The following CLIP1 variants were observed in gnomAD, a reference collection of about 807,000 sequenced individuals.
CLIP1 encodes the protein CAP-Gly domain-containing linker protein 1.
CLIP1 carries 66 observed loss-of-function variants against 161.6 expected under a neutral mutation model. The ratio of observed to expected loss-of-function variants is 0.41; its 90% confidence interval spans 0.33 to 0.50. CLIP1 has a LOEUF of 0.50. Among genes scored for constraint, CLIP1 ranks in the 20% least tolerant of loss-of-function variants. CLIP1 has a pLI of 0.27. For missense variants in CLIP1, 1,376 were observed against 1,702.0 expected (o/e 0.81, Z 3.37); for synonymous variants, 598 against 626.2 (o/e 0.96, Z 0.67).
intron 1 of CLIP1, among the ~76,000 whole-genome samples, chr12:122,406,558 C>T (rs1485441197): frequency 6.6e-6 from 1 of 152,126 alleles, no homozygotes; most frequent in African/African-American, 2.4e-5. Context: ...TTGAGAATAT[C>T]ACACAATAAG....
intron 20 of CLIP1, among the ~76,000 whole-genome samples, chr12:122,305,064 C>A (rs1950817791): frequency 6.6e-6 from 1 of 152,156 alleles, no homozygotes. Context: ...GTCATTTAAT[C>A]CCTGTCCGGT....
intron 9 of CLIP1, among the ~76,000 whole-genome samples, chr12:122,350,852 C>A (rs956650198): frequency 2.0e-5 from 3 of 151,794 alleles, no homozygotes; most frequent in Non-Finnish European, 4.4e-5. Flanking sequence ...ACATTTTTCC[C>A]CCCTTTCTGG....
rs975515089 is a variant in CLIP1, at chr12:122,356,972, T to C, written c.1006-1660A>G. ...GTACCCAGGCTGGAGTGCAGTAGCG[T>C]GATCTCGGCTCGCTACAACCTCCAC... On this transcript the variant is annotated intron_variant, in intron 5 of 25. Transcript: ENST00000620786. Among the ~76,000 whole-genome samples, 6 of 152,310 alleles carry C rather than the reference T, an allele frequency of 3.9e-5. No individual in the cohort carries two copies. The South Asian group carries it at 1.2e-3, about 32-fold the overall frequency.
At chr12:122,365,882 C>T (rs1566179945) in intron 3 of CLIP1, among the ~76,000 whole-genome samples, 2 of 151,908 alleles carry the variant, frequency 1.3e-5, no homozygotes, top group African/African-American at 2.4e-5. Context: ...TAGTGGTGTG[C>T]GCCTGTGGTC....
rs559594877 is a variant in CLIP1 at position 122,272,708 on chromosome 12, G to A, written c.*167C>T. 40 of 622,750 alleles carry A rather than the reference G, an allele frequency of 6.4e-5. No individual in the cohort carries two copies. Among genetic ancestry groups the A allele is most frequent in the East Asian group, 2.8e-4 (10 of 35,906 alleles). 38.6% of individuals were successfully genotyped at this position (622,750 alleles called of 1,614,324 possible). On this transcript the variant is annotated 3_prime_UTR_variant, in exon 26 of 26. Coordinates refer to ENST00000620786, the MANE Select transcript of CLIP1 (RefSeq NM_001247997.2). Reference sequence around the variant, plus strand: ...AAATATTTATTATTCTAACTCATACGGGGAGACTAAAGGGCAATTTGTTGA... The same window carrying A: ...AAATATTTATTATTCTAACTCATACAGGGAGACTAAAGGGCAATTTGTTGA...
chr12:122,322,895 T>C (rs1167802585), intron 17 of CLIP1: 1 of 152,654 alleles, frequency 6.6e-6, no homozygotes, highest in Non-Finnish European at 1.5e-5. Context: ...GTGAGTGTGT[T>C]CTTTTTCCAG....
intron 21 of CLIP1, among the ~76,000 whole-genome samples, chr12:122,286,602 T>C (rs1474076177): frequency 2.0e-5 from 3 of 149,990 alleles, no homozygotes; most frequent in African/African-American, 7.4e-5. Context: ...ACACGCGCAT[T>C]CTGAGTATAA....
intron 5 of CLIP1, among the ~76,000 whole-genome samples, chr12:122,358,832 G>C (rs577647524): frequency 6.6e-6 from 1 of 152,060 alleles, no homozygotes; most frequent in South Asian, 2.1e-4. Context: ...AAGCAGAGGC[G>C]GGCAGATCAC....
intron 13 of CLIP1, 98 bp downstream of exon 13, chr12:122,334,550 G>A: frequency 1.3e-6 from 1 of 785,822 alleles, no homozygotes; most frequent in South Asian, 1.7e-5. Context: ...GTGAAATTAG[G>A]CTACGAGCAG....
chr12:122,389,945 A>G (rs1461505242), intron 1 of CLIP1, among the ~76,000 whole-genome samples: 1 of 149,550 alleles, frequency 6.7e-6, no homozygotes, highest in Non-Finnish European at 1.5e-5. Flanking sequence ...TTTGACAGTG[A>G]GTTCTTGCAG....
In CLIP1 at chr12:122,412,473, G is replaced by A. The variant is rs558171772; in HGVS notation, c.-107+10048C>T. On this transcript the variant is annotated intron_variant, in intron 1 of 25. Transcript: ENST00000620786. ...AGTTTGAGACCAGCCTGGCCAACAT[G>A]GCGAAACCCCGTCTCTACTAAAAAT... is the stretch of plus-strand genomic sequence containing the variant. Among the ~76,000 whole-genome samples, 7 of 152,016 alleles carry A rather than the reference G, an allele frequency of 4.6e-5. No individual in the cohort carries two copies. In the East Asian group the frequency reaches 7.8e-4, roughly 17 times the overall value.
intron 20 of CLIP1, among the ~76,000 whole-genome samples, chr12:122,292,550 A>T (rs1950291219): frequency 6.6e-6 from 1 of 152,154 alleles, no homozygotes; most frequent in South Asian, 2.1e-4. Flanking sequence ...GGCATCAGCC[A>T]TTTCTCTATG....
At chr12:122,363,784 A>G (rs903093654) in intron 4 of CLIP1, among the ~76,000 whole-genome samples, 199 bp downstream of exon 4, 1 of 152,116 alleles carries the variant, frequency 6.6e-6, no homozygotes, top group Non-Finnish European at 1.5e-5. Flanking sequence ...GACATACTAC[A>G]TGTATTACTA....
chr12:122,287,373 T>C (rs1955901672), intron 21 of CLIP1, among the ~76,000 whole-genome samples: 1 of 152,200 alleles, frequency 6.6e-6, no homozygotes, highest in African/African-American at 2.4e-5. Context: ...AAACCTCCTC[T>C]GCCCTGACGA....
At chr12:122,344,600 T>C (rs1312026497) in intron 10 of CLIP1, among the ~76,000 whole-genome samples, 1 of 152,190 alleles carries the variant, frequency 6.6e-6, no homozygotes, top group Non-Finnish European at 1.5e-5. Context: ...ACCAATGTGA[T>C]TTTACTTTCC....
chr12:122,378,943 T>C (rs573197040), intron 2 of CLIP1, among the ~76,000 whole-genome samples: 3 of 152,122 alleles, frequency 2.0e-5, no homozygotes, highest in Admixed American at 6.5e-5. Flanking sequence ...CTGACCAATG[T>C]GGAGAAACCC....
In CLIP1 at chr12:122,272,026, C is replaced by G. The variant is rs1955202009; in HGVS notation, c.*849G>C. On this transcript the variant is annotated 3_prime_UTR_variant, in exon 26 of 26. Coordinates refer to ENST00000620786, the MANE Select transcript of CLIP1 (RefSeq NM_001247997.2). ...ACAAATGAAAATGGTTGCAAAGCCACAAGATGCTATGTCTGGCCTAGTCTG... is the reference window on the plus strand; with the variant it reads ...ACAAATGAAAATGGTTGCAAAGCCAGAAGATGCTATGTCTGGCCTAGTCTG... The G allele has an allele frequency of 6.6e-6, 1 of 152,472 alleles. No homozygotes were observed. The highest frequency in any genetic ancestry group is 2.4e-5 in the African/African-American group (1 of 41,434). The allele number at this position is 152,472 out of a possible 1,614,324, so 9.4% of individuals were successfully genotyped here. A position where few individuals can be genotyped will look rare whatever the true frequency, so the allele number is the denominator to read the frequency against.
intron 1 of CLIP1, among the ~76,000 whole-genome samples, chr12:122,382,248 C>A (rs1470552508): frequency 6.6e-6 from 1 of 151,848 alleles, no homozygotes; most frequent in Non-Finnish European, 1.5e-5. Context: ...ATAATCCCAG[C>A]TACTCGAGAG....
At position 122,279,195 on chromosome 12, in the gene CLIP1, C is replaced by G. The variant is rs1245268709; in HGVS notation, c.3648-50G>C. On this transcript the variant is annotated intron_variant, in intron 21 of 25. Coordinates refer to ENST00000620786, the MANE Select transcript of CLIP1 (RefSeq NM_001247997.2). This position sits in a 1 kb window ranked among gnomAD's most constrained non-coding sequence, Gnocchi z 4.5. ...TCCACAAATCAACCGAAAGACTGGT[C>G]AGTGTACAACTGTTCTAGAACAAAC... 1 of 1,169,602 alleles carries G rather than the reference C, an allele frequency of 8.5e-7. No homozygotes were observed. Among genetic ancestry groups the G allele is most frequent in the African/African-American group, 1.5e-5 (1 of 64,618 alleles). 72.5% of individuals were successfully genotyped at this position (1,169,602 alleles called of 1,614,324 possible). A position where few individuals can be genotyped will look rare whatever the true frequency, so the allele number is the denominator to read the frequency against.
Sources: gnomAD v4.1 joint callset for allele counts (sites outside exome capture counted in the v4.1 genomes callset) on GRCh38, gnomAD v4.1.1 for gene constraint, Gnocchi (gnomAD v3.1) non-coding constraint, MANE v1.5 for transcripts, NCBI Gene and HGNC (gene_info 2026-07-23, HGNC 2026-07-21) for gene names.